GRIA4: variants seen among roughly 807,000 people sequenced by gnomAD.
GRIA4 encodes glutamate receptor 4.
In GRIA4, 34 loss-of-function variants were observed where a neutral mutation model predicts 104.0. The observed-to-expected ratio is 0.33, with a 90% CI of 0.25 to 0.44. GRIA4 has a LOEUF of 0.44. GRIA4 is among the 20% of genes least tolerant of loss of function. GRIA4 has a pLI of 1.00. For missense variants in GRIA4, 750 were observed against 1,096.5 expected, an observed-to-expected ratio of 0.68 and a Z score of 4.46; for synonymous variants, 386 against 381.9, an observed-to-expected ratio of 1.01 and a Z score of -0.13.
intron 3 of GRIA4, among the ~76,000 whole-genome samples, chr11:105,673,297 G>A (rs979190168): frequency 6.6e-6 from 1 of 152,046 alleles, no homozygotes; most frequent in Non-Finnish European, 1.5e-5. Flanking sequence ...CGCTGTCCTC[G>A]GTGCTGAAAC....
rs537838168 is a variant in GRIA4 at position 105,981,286 on chromosome 11, T to G, written c.*1547T>G. On this transcript the variant is annotated 3_prime_UTR_variant, in exon 17 of 17. Coordinates refer to ENST00000282499, the MANE Select transcript of GRIA4 (RefSeq NM_000829.4). ...GCAGAAAGCACAAGTTAGGATGATT[T>G]CAGAAGTCTGGCCTTGAAGGATGAG... The G allele has an allele frequency of 3.3e-5, 5 of 152,702 alleles. No homozygotes were observed. In the East Asian group the frequency reaches 9.7e-4, roughly 30 times the overall value. The allele number at this position is 152,702 out of a possible 1,614,324, so 9.5% of individuals were successfully genotyped here. A position where few individuals can be genotyped will look rare whatever the true frequency, so the allele number is the denominator to read the frequency against.
rs574324252 is a variant in GRIA4 at position 105,673,020 on chromosome 11, T to A, written c.247+60586T>A. On this transcript the variant is annotated intron_variant, in intron 3 of 16. Coordinates refer to ENST00000282499, the MANE Select transcript of GRIA4 (RefSeq NM_000829.4). ...GGGATAGCTCAATTAACTTCCCTGA[T>A]TAAACCATTATAACCTATTCCCTAT... is the stretch of plus-strand genomic sequence containing the variant. Among the ~76,000 whole-genome samples the A allele has an allele frequency of 2.0e-5, 3 of 152,218 alleles. No homozygotes were observed. The East Asian group carries it at 5.8e-4, about 29-fold the overall frequency.
chr11:105,906,461 GAAGA>G (rs1230568127), intron 9 of GRIA4, among the ~76,000 whole-genome samples: 1 of 152,244 alleles, frequency 6.6e-6, no homozygotes, highest in East Asian at 1.9e-4. Flanking sequence ...GGCAACAACC[GAAGA>G]AAGGCTTGGA....
intron 3 of GRIA4, among the ~76,000 whole-genome samples, chr11:105,736,648 G>T (rs1046756278): frequency 2.0e-5 from 3 of 151,792 alleles, no homozygotes; most frequent in African/African-American, 7.3e-5. Context: ...TAGATGCAAT[G>T]ATTAAACTTC....
chr11:105,725,632 C>T (rs1306106365), intron 3 of GRIA4, among the ~76,000 whole-genome samples: 1 of 152,096 alleles, frequency 6.6e-6, no homozygotes, highest in Non-Finnish European at 1.5e-5. Flanking sequence ...CAGCTCTGGT[C>T]TGCAGCTCCC....
chr11:105,795,556 C>T (rs895508125), intron 4 of GRIA4, among the ~76,000 whole-genome samples: 1 of 152,042 alleles, frequency 6.6e-6, no homozygotes, highest in Admixed American at 6.6e-5. Context: ...TGAGAAAAGA[C>T]TTAAAATAGT....
At chr11:105,945,426 T>G in intron 14 of GRIA4, 3 of 655,650 alleles carry the variant, frequency 4.6e-6, no homozygotes, top group Non-Finnish European at 5.7e-6. Flanking sequence ...CAAGACCATG[T>G]TCTATTATTG....
chr11:105,783,891 C>T (rs1002655154), intron 4 of GRIA4, among the ~76,000 whole-genome samples: 1 of 151,700 alleles, frequency 6.6e-6, no homozygotes, highest in Non-Finnish European at 1.5e-5. Flanking sequence ...TTCACAATAC[C>T]CAGTGATGTA....
At chr11:105,880,998 A>G (rs1332786847) in intron 5 of GRIA4, among the ~76,000 whole-genome samples, 1 of 152,194 alleles carries the variant, frequency 6.6e-6, no homozygotes, top group Non-Finnish European at 1.5e-5. Context: ...TAAAACAAAG[A>G]TCTGTGTGCA....
intron 4 of GRIA4, among the ~76,000 whole-genome samples, chr11:105,805,086 T>C (rs1565249903): frequency 6.6e-6 from 1 of 151,998 alleles, no homozygotes; most frequent in Non-Finnish European, 1.5e-5. Flanking sequence ...TGAGAATGTA[T>C]GCAAAATTAT....
At chr11:105,791,133 T>G (rs748396871) in intron 4 of GRIA4, among the ~76,000 whole-genome samples, 6 of 152,092 alleles carry the variant, frequency 3.9e-5, no homozygotes, top group Admixed American at 6.6e-5. Context: ...GTTTTGCTTT[T>G]TTCCCCCTAA....
intron 16 of GRIA4, among the ~76,000 whole-genome samples, chr11:105,978,258 T>C (rs899860783): frequency 6.6e-6 from 1 of 152,100 alleles, no homozygotes; most frequent in East Asian, 1.9e-4. Flanking sequence ...AACGGACTAA[T>C]AGAAGATAAT....
intron 4 of GRIA4, among the ~76,000 whole-genome samples, chr11:105,757,829 C>A (rs932901553): frequency 6.6e-6 from 1 of 152,126 alleles, no homozygotes; most frequent in Non-Finnish European, 1.5e-5. Context: ...TGGTGCCCTA[C>A]TCCATGGAAA....
chr11:105,925,385 A>G (rs1047888157), intron 12 of GRIA4, among the ~76,000 whole-genome samples: 7 of 152,258 alleles, frequency 4.6e-5, no homozygotes, highest in African/African-American at 1.2e-4. Context: ...TACCACTAAG[A>G]TATCATTTAA....
In GRIA4 at chr11:105,634,467, GGGA is replaced by G. The variant is rs1462767752; in HGVS notation, c.247+22034_247+22036del. 2.3e-3 allele frequency among the ~76,000 whole-genome samples: 208 copies of G among 90,260 alleles called. 4 individuals carry two copies. Among genetic ancestry groups the G allele is most frequent in the African/African-American group, 8.4e-3 (192 of 22,782 alleles). The allele number at this position is 90,260 out of a possible 152,430, so 59.2% of individuals were successfully genotyped here. On this transcript the variant is annotated intron_variant, in intron 3 of 16. Transcript: ENST00000282499. ...AAGGAAGGAGAAAGAAAGAAAGAAA[GGGA>G]AAGAAAGAAAGAAAGAAAGAAAGAA...
At chr11:105,732,839 A>G (rs1267604562) in intron 3 of GRIA4, among the ~76,000 whole-genome samples, 1 of 152,180 alleles carries the variant, frequency 6.6e-6, no homozygotes. Context: ...GAGGTGGTGA[A>G]TTTCCTAAAC....
At chr11:105,936,637 C>T (rs1948046170) in intron 14 of GRIA4, among the ~76,000 whole-genome samples, 1 of 152,142 alleles carries the variant, frequency 6.6e-6, no homozygotes, top group Admixed American at 6.6e-5. Flanking sequence ...CCAGGTCTTG[C>T]TGTATGTTTA....
intron 3 of GRIA4, among the ~76,000 whole-genome samples, chr11:105,682,035 G>A (rs967936127): frequency 6.6e-6 from 1 of 151,482 alleles, no homozygotes. Context: ...GCCAGACTCT[G>A]TCTAATATAA....
At chr11:105,978,355 CAT>C (rs34886282) in intron 16 of GRIA4, among the ~76,000 whole-genome samples, 41,675 of 151,610 alleles carry the variant, frequency 0.27, 5,701 homozygotes, top group Non-Finnish European at 0.29. Context: ...CTGTGAAGAC[CAT>C]ATCCTGAGTT....
Sources: allele counts gnomAD v4.1 joint callset (sites outside exome capture counted in the v4.1 genomes callset), GRCh38; gene constraint gnomAD v4.1.1; transcripts MANE v1.5; gene names NCBI Gene and HGNC (gene_info 2026-07-23, HGNC 2026-07-21).